Variants in WIPI1 observed in about 807,000 individuals in gnomAD.
The protein encoded by WIPI1 is WD repeat domain phosphoinositide-interacting protein 1.
A neutral mutation model predicts 55.3 loss-of-function variants in WIPI1; 45 were observed. The ratio of observed to expected loss-of-function variants is 0.81; its 90% confidence interval spans 0.64 to 1.04. The LOEUF (loss-of-function observed/expected upper bound fraction) is 1.04, where lower values mean the gene tolerates loss of function less well. WIPI1 is among the 50% of genes least tolerant of loss of function. The probability of loss-of-function intolerance (pLI) is 0.00; values close to 1 mark genes in which losing one functional copy is unlikely to be tolerated. For missense variants in WIPI1, 445 were observed against 559.0 expected, an observed-to-expected ratio of 0.80 and a Z score of 2.06; for synonymous variants, 195 against 217.6, an observed-to-expected ratio of 0.90 and a Z score of 0.92.
At chr17:68,446,484 T>G (rs1035146750) in intron 3 of WIPI1, among the ~76,000 whole-genome samples, 1 of 152,134 alleles carries the variant, frequency 6.6e-6, no homozygotes, top group African/African-American at 2.4e-5. Context: ...GCCCAGCCCT[T>G]TCTCAGTTTT....
intron 3 of WIPI1, among the ~76,000 whole-genome samples, chr17:68,449,826 G>A (rs538471938): frequency 2.0e-5 from 3 of 152,102 alleles, no homozygotes; most frequent in African/African-American, 7.2e-5. Context: ...GAGAATAGAC[G>A]AATACACTCT....
At position 68,452,932 on chromosome 17, in the gene WIPI1, C is replaced by A. The variant is rs934652517; in HGVS notation, c.141G>T (p.Gln47His). ...TACTGCTTCCGTGGACTTGATCCAG[C>A]TGCTCCACAGAACTCAGAGAAAACA... ...YKLFSLSSVE[Q>H]LDQVHGSNEI... The change falls in exon 2 of 13, where the codon CAG becomes CAT. Residue 47 changes from glutamine to histidine, a missense_variant. Transcript: ENST00000262139. 2 of 1,614,048 alleles carry A rather than the reference C, an allele frequency of 1.2e-6. No homozygotes were observed. Among genetic ancestry groups the A allele is most frequent in the Non-Finnish European group, 1.7e-6 (2 of 1,180,016 alleles).
chr17:68,447,774 C>T (rs996777961), intron 3 of WIPI1, among the ~76,000 whole-genome samples: 6 of 151,906 alleles, frequency 3.9e-5, no homozygotes, highest in African/African-American at 9.7e-5. Flanking sequence ...GGGTGGATCA[C>T]GAGGTCAGGA....
At position 68,429,918 on chromosome 17, in the gene WIPI1, G is replaced by T. The variant is rs558636960; in HGVS notation, c.965+78C>A. On this transcript the variant is annotated intron_variant, in intron 9 of 12. Transcript: ENST00000262139. ...GCAAGTTTTCTTTTTTTCTTTTCAGGTTTGGGGATTTTTGTGCTTTGGAAA... is the reference window on the plus strand; with the variant it reads ...GCAAGTTTTCTTTTTTTCTTTTCAGTTTTGGGGATTTTTGTGCTTTGGAAA... 5.8e-3 allele frequency: 9,224 copies of T among 1,595,986 alleles called. 56 individuals are homozygous for T. Among genetic ancestry groups the T allele is most frequent in the South Asian group, 0.021 (1,865 of 88,130 alleles).
rs777151714 is a variant in WIPI1, at chr17:68,423,938, G to A, written c.1294-2118C>T. 6.6e-6 allele frequency among the ~76,000 whole-genome samples: 1 copy of A among 152,126 alleles called. No individual in the cohort carries two copies. Among genetic ancestry groups the A allele is most frequent in the Non-Finnish European group, 1.5e-5 (1 of 68,016 alleles). ...AGACTTTTACCAAAATTAGTGAAAC[G>A]GAACCTAGTGAGTGTCTGGATGTGG... On this transcript the variant is annotated intron_variant, in intron 12 of 12. Transcript: ENST00000262139. The surrounding 1 kb of genome is among the most constrained non-coding windows in gnomAD (Gnocchi z 4.4).
chr17:68,457,450 C>A lies in WIPI1; in HGVS notation c.-29G>T, dbSNP rs1317231760. The A allele has an allele frequency of 2.0e-6, 3 of 1,472,184 alleles. No homozygotes were observed. The East Asian group carries it at 9.0e-5, about 44-fold the overall frequency. 91.2% of individuals were successfully genotyped at this position (1,472,184 alleles called of 1,614,324 possible). On this transcript the variant is annotated 5_prime_UTR_variant, in exon 1 of 13. Coordinates refer to ENST00000262139, the MANE Select transcript of WIPI1 (RefSeq NM_017983.7). ...GGGCTCGGCCCGGGAAGCCGCAGCT[C>A]GGAGCCGGCGACAGCCACCTCAGCA... is the stretch of plus-strand genomic sequence containing the variant.
At chr17:68,427,777 A>G (rs2083295332) in intron 10 of WIPI1, among the ~76,000 whole-genome samples, 1 of 152,164 alleles carries the variant, frequency 6.6e-6, no homozygotes, top group Admixed American at 6.5e-5. Flanking sequence ...AGGTGAGGAC[A>G]TGCTAGCAAG....
chr17:68,453,078 C>G, intron 1 of WIPI1, 86 bp from the exon 2 acceptor site: 2 of 1,057,812 alleles, frequency 1.9e-6, no homozygotes, highest in Non-Finnish European at 2.9e-6. Flanking sequence ...TGCCCCCTAG[C>G]CTCAGGGGTA....
At chr17:68,435,554 A>G (rs568553522) in intron 6 of WIPI1, 66 bp downstream of exon 6, 6 of 1,503,008 alleles carry the variant, frequency 4.0e-6, no homozygotes, top group Non-Finnish European at 4.6e-6. Flanking sequence ...GTTCAATCCC[A>G]TCCCTGCGCA....
Position 68,436,404 on chromosome 17 carries a change from A to T in WIPI1, c.506T>A (p.Val169Glu), listed in dbSNP as rs2083788811. 1 of 1,613,800 alleles carries T rather than the reference A, an allele frequency of 6.2e-7. No homozygotes were observed. The highest frequency in any genetic ancestry group is 1.3e-5 in the African/African-American group (1 of 74,890). The part of the protein sequence containing the change: ...YPGSLTSGEI[V>E]LYDGNSLKTV... ...TACCAGGGAGTTTCCATCATAAAGC[A>T]CAATCTCCCCTGAAGTCAGGCTTCC... Residue 169 changes from valine to glutamate, a missense_variant, in exon 5 of 13, where the codon GTG (valine) becomes GAG (glutamate). Transcript: ENST00000262139.
intron 9 of WIPI1, 30 bp downstream of exon 9, chr17:68,429,966 C>T: frequency 6.2e-7 from 1 of 1,613,202 alleles, no homozygotes; most frequent in Non-Finnish European, 8.5e-7. Flanking sequence ...AAAGTGTGGT[C>T]TTGTTCAGAG....
chr17:68,449,863 T>A (rs189531080), intron 3 of WIPI1, among the ~76,000 whole-genome samples: 2 of 152,310 alleles, frequency 1.3e-5, no homozygotes, highest in Admixed American at 6.5e-5. Context: ...ACAGAAAAAT[T>A]AGCTGGGCGT....
At chr17:68,449,214 CTT>C (rs1367725107) in intron 3 of WIPI1, among the ~76,000 whole-genome samples, 3 of 152,204 alleles carry the variant, frequency 2.0e-5, no homozygotes, top group Non-Finnish European at 2.9e-5. Context: ...TAAAGAATCT[CTT>C]TGTTTATTTA....
rs553977632 is a variant in WIPI1 at position 68,442,351 on chromosome 17, G to C, written c.430+2142C>G. 2.6e-5 allele frequency among the ~76,000 whole-genome samples: 4 copies of C among 151,848 alleles called. No individual in the cohort carries two copies. The South Asian group carries it at 8.3e-4, about 32-fold the overall frequency. ...GTGGTGGTAGGCACCTGTAGTCCCA[G>C]CTACTCAGGAGGCTGAGGAATGAGA... is the stretch of plus-strand genomic sequence containing the variant. On this transcript the variant is annotated intron_variant, in intron 4 of 12. Transcript: ENST00000262139.
intron 3 of WIPI1, among the ~76,000 whole-genome samples, chr17:68,449,040 C>T (rs1478494065): frequency 2.0e-5 from 3 of 152,118 alleles, no homozygotes; most frequent in Non-Finnish European, 2.9e-5. Context: ...AGAAACAATC[C>T]CTTCCTTCTC....
chr17:68,450,793 T>C lies in WIPI1; in HGVS notation c.268A>G (p.Lys90Glu). ...CTGTAATTACAGATCTCTGTGCCTTTCTTGAAGTGATACACGTTCATCTGC... is the reference window on the plus strand; with the variant it reads ...CTGTAATTACAGATCTCTGTGCCTTCCTTGAAGTGATACACGTTCATCTGC... ...PRQMNVYHFK[K>E]GTEICNYSYS... Residue 90 changes from lysine to glutamate, a missense_variant, in exon 3 of 13, where the codon AAA becomes GAA. Lys to Glu is a moderately conservative substitution (Grantham distance 56). Transcript: ENST00000262139. 1 of 1,614,062 alleles carries C rather than the reference T, an allele frequency of 6.2e-7. No individual in the cohort carries two copies. The highest frequency in any genetic ancestry group is 8.5e-7 in the Non-Finnish European group (1 of 1,179,920).
rs1322990807 is a variant in WIPI1, at chr17:68,430,071, A to C, written c.890T>G (p.Met297Arg). The C allele has an allele frequency of 6.2e-7, 1 of 1,614,192 alleles. No homozygotes were observed. The highest frequency in any genetic ancestry group is 1.7e-5 in the Admixed American group (1 of 60,010). The change falls in exon 9 of 13, where the codon ATG (methionine) becomes AGG (arginine). Residue 297 changes from methionine to arginine, a missense_variant. Met to Arg is a moderately conservative substitution (Grantham distance 91, BLOSUM62 -1). Coordinates refer to ENST00000262139, the MANE Select transcript of WIPI1 (RefSeq NM_017983.7). ...GGCAAAAGCCCTGTCCTGATGCATC[A>C]TGTCTGACACCTGGGTAGGGAGGTA... ...TNYLPTQVSD[M>R]MHQDRAFATA... is the part of the protein sequence containing the mutation.
At chr17:68,434,447 G>T in intron 7 of WIPI1, 109 bp downstream of exon 7, 1 of 1,078,504 alleles carries the variant, frequency 9.3e-7, no homozygotes, top group Non-Finnish European at 1.3e-6. Context: ...CTTCCTCCAG[G>T]TGAGTGGAGG....
intron 3 of WIPI1, among the ~76,000 whole-genome samples, chr17:68,448,638 C>T (rs1347915034): frequency 6.6e-6 from 1 of 152,140 alleles, no homozygotes; most frequent in Admixed American, 6.6e-5. Flanking sequence ...ATCATACAAG[C>T]AAATACAATA....
Sources: gnomAD v4.1 joint callset for allele counts (sites outside exome capture counted in the v4.1 genomes callset) on GRCh38, gnomAD v4.1.1 for gene constraint, Gnocchi (gnomAD v3.1) non-coding constraint, MANE v1.5 for transcripts, NCBI Gene and HGNC (gene_info 2026-07-23, HGNC 2026-07-21) for gene names.